The following KHDRBS3 variants were observed in gnomAD, a reference collection of about 807,000 sequenced individuals.
KHDRBS3 encodes KH domain-containing, RNA-binding, signal transduction-associated protein 3.
In KHDRBS3, 23 loss-of-function variants were observed where a neutral mutation model predicts 45.6. That is an observed-to-expected ratio of 0.50 (90% confidence interval 0.36 to 0.72). The LOEUF (loss-of-function observed/expected upper bound fraction) is 0.72, where lower values mean the gene tolerates loss of function less well. Ranked by LOEUF, KHDRBS3 falls within the 30% of genes least tolerant of loss-of-function variation. KHDRBS3 has a pLI of 0.00. For synonymous variants in KHDRBS3, 162 were observed against 156.5 expected (o/e 1.04, Z -0.26); for missense variants, 352 against 424.8 (o/e 0.83, Z 1.51).
At chr8:135,634,500 T>C (rs1436445392) in intron 7 of KHDRBS3, among the ~76,000 whole-genome samples, 1 of 152,268 alleles carries the variant, frequency 6.6e-6, no homozygotes, top group Non-Finnish European at 1.5e-5. Context: ...ATTCCAATTA[T>C]TGTCAAATGA....
chr8:135,490,416 A>G (rs757841833), intron 1 of KHDRBS3, among the ~76,000 whole-genome samples: 8 of 152,102 alleles, frequency 5.3e-5, no homozygotes, highest in Non-Finnish European at 7.4e-5. Flanking sequence ...GGCAGGGAGA[A>G]GCTCCTGCCA....
chr8:135,582,203 A>C (rs1439518830), intron 6 of KHDRBS3, 130 bp downstream of exon 6: 1 of 895,318 alleles, frequency 1.1e-6, no homozygotes, highest in Non-Finnish European at 1.6e-6. Context: ...TGTTTCAGCA[A>C]ATATTTATTG....
At chr8:135,567,380 T>G (rs1247886085) in intron 5 of KHDRBS3, among the ~76,000 whole-genome samples, 1 of 152,188 alleles carries the variant, frequency 6.6e-6, no homozygotes, top group African/African-American at 2.4e-5. Flanking sequence ...ATATTTTCAT[T>G]AGTATATTTC....
chr8:135,617,877 G>C (rs1303796490), intron 7 of KHDRBS3, among the ~76,000 whole-genome samples: 1 of 152,104 alleles, frequency 6.6e-6, no homozygotes, highest in Admixed American at 6.5e-5. Context: ...AGTTGTTAAA[G>C]GCTCATTTAA....
chr8:135,589,179 G>C (rs1828624411), intron 6 of KHDRBS3, among the ~76,000 whole-genome samples: 1 of 152,132 alleles, frequency 6.6e-6, no homozygotes, highest in Non-Finnish European at 1.5e-5. Flanking sequence ...ACAGACAGAG[G>C]TTGCCATAGC....
intron 7 of KHDRBS3, among the ~76,000 whole-genome samples, chr8:135,627,067 C>G (rs1830406213): frequency 6.6e-6 from 1 of 152,056 alleles, no homozygotes; most frequent in Non-Finnish European, 1.5e-5. Flanking sequence ...GCCTTATTTC[C>G]GAATGCATTG....
intron 1 of KHDRBS3, among the ~76,000 whole-genome samples, chr8:135,460,858 G>T (rs1821393373): frequency 1.3e-5 from 2 of 152,170 alleles, no homozygotes; most frequent in African/African-American, 2.4e-5. Flanking sequence ...TATAGATGAG[G>T]TGTAGTCGTT....
chr8:135,551,546 G>A (rs1279800480), intron 4 of KHDRBS3, among the ~76,000 whole-genome samples: 1 of 152,096 alleles, frequency 6.6e-6, no homozygotes, highest in Non-Finnish European at 1.5e-5. Flanking sequence ...GAATAATAGT[G>A]TATTACATTA....
chr8:135,512,437 G>GGGGGC (rs1554620171), intron 1 of KHDRBS3, among the ~76,000 whole-genome samples: 5 of 128,380 alleles, frequency 3.9e-5, no homozygotes, highest in Non-Finnish European at 4.9e-5. Context: ...GTCGGGGGGG[G>GGGGGC]GGTAATAACT....
intron 1 of KHDRBS3, among the ~76,000 whole-genome samples, chr8:135,472,378 T>G (rs1454327922): frequency 1.3e-5 from 2 of 152,204 alleles, no homozygotes; most frequent in African/African-American, 4.8e-5. Context: ...GAGGATTCAG[T>G]GACCTGCATC....
At chr8:135,506,644 C>T (rs1236508002) in intron 1 of KHDRBS3, among the ~76,000 whole-genome samples, 1 of 152,082 alleles carries the variant, frequency 6.6e-6, no homozygotes, top group Non-Finnish European at 1.5e-5. Flanking sequence ...CCTTGTGATC[C>T]TCCCGCCTCA....
chr8:135,520,012 C>A (rs753782740), intron 1 of KHDRBS3, among the ~76,000 whole-genome samples: 2 of 152,220 alleles, frequency 1.3e-5, no homozygotes, highest in Non-Finnish European at 2.9e-5. Context: ...TGCACAGGCA[C>A]CTTGTCTTTG....
chr8:135,646,982 A>T lies in KHDRBS3; in HGVS notation c.950-11A>T. On this transcript the variant is annotated splice_polypyrimidine_tract_variant and intron_variant, in intron 8 of 8. Transcript: ENST00000355849. ...CAGTGATCTAATTGTGATTCATCTT[A>T]CTGATTGTAGGGCAAGAAGAGTGGA... 1 of 1,469,444 alleles carries T rather than the reference A, an allele frequency of 6.8e-7. No individual in the cohort carries two copies. Among genetic ancestry groups the T allele is most frequent in the Non-Finnish European group, 9.5e-7 (1 of 1,047,928 alleles). The allele number at this position is 1,469,444 out of a possible 1,614,324, so 91.0% of individuals were successfully genotyped here. A position where few individuals can be genotyped will look rare whatever the true frequency, so the allele number is the denominator to read the frequency against.
At chr8:135,539,779 GA>G (rs1306873290) in intron 2 of KHDRBS3, 1 of 152,126 alleles carries the variant, frequency 6.6e-6, no homozygotes, top group Non-Finnish European at 1.5e-5. Flanking sequence ...AGAGGAAAAA[GA>G]AGGGAAAATA....
chr8:135,550,722 A>G (rs1826545840), intron 4 of KHDRBS3, among the ~76,000 whole-genome samples: 1 of 151,784 alleles, frequency 6.6e-6, no homozygotes, highest in Non-Finnish European at 1.5e-5. Context: ...GCATTTTCAT[A>G]TGTGTTTTAG....
chr8:135,567,574 G>T (rs1380317677), intron 5 of KHDRBS3, among the ~76,000 whole-genome samples: 1 of 152,208 alleles, frequency 6.6e-6, no homozygotes, highest in Non-Finnish European at 1.5e-5. Context: ...AGTAGAGAGG[G>T]AATGTGCCTT....
At chr8:135,614,723 A>C (rs1486806765) in intron 7 of KHDRBS3, among the ~76,000 whole-genome samples, 1 of 151,822 alleles carries the variant, frequency 6.6e-6, no homozygotes. Context: ...AAAACAAAAA[A>C]AAGAGTAGAG....
At chr8:135,601,589 G>T (rs1195654088) in intron 6 of KHDRBS3, among the ~76,000 whole-genome samples, 1 of 152,054 alleles carries the variant, frequency 6.6e-6, no homozygotes, top group Non-Finnish European at 1.5e-5. Flanking sequence ...GTCACAATGG[G>T]GTCCTCTAGG....
intron 6 of KHDRBS3, among the ~76,000 whole-genome samples, chr8:135,586,476 T>C (rs1828480518): frequency 6.6e-6 from 1 of 152,182 alleles, no homozygotes; most frequent in Admixed American, 6.5e-5. Flanking sequence ...TCTGTGTTCC[T>C]TGCAATTCAC....
Sources: allele counts gnomAD v4.1 joint callset (sites outside exome capture counted in the v4.1 genomes callset), GRCh38; gene constraint gnomAD v4.1.1; transcripts MANE v1.5; gene names NCBI Gene and HGNC (gene_info 2026-07-23, HGNC 2026-07-21).